Variants in FBXL17 observed in about 807,000 individuals in gnomAD.
FBXL17 encodes F-box/LRR-repeat protein 17.
Under a neutral mutation model 66.2 loss-of-function variants are expected in FBXL17, and 22 were observed. The observed-to-expected ratio is 0.33, with a 90% CI of 0.24 to 0.47. The LOEUF is 0.47. Among genes scored for constraint, FBXL17 ranks in the 20% least tolerant of loss-of-function variants. The probability of loss-of-function intolerance (pLI) is 1.00; values close to 1 mark genes in which losing one functional copy is unlikely to be tolerated. For missense variants in FBXL17, 878 were observed against 948.2 expected (o/e 0.93, Z 0.97); for synonymous variants, 474 against 400.5 (o/e 1.18, Z -2.19).
intron 7 of FBXL17, among the ~76,000 whole-genome samples, chr5:107,917,504 A>C (rs867972202): frequency 6.6e-6 from 1 of 152,308 alleles, no homozygotes; most frequent in African/African-American, 2.4e-5. Flanking sequence ...TAGCATACTG[A>C]GCACTTTCAT....
chr5:108,121,580 A>G (rs896744112), intron 6 of FBXL17, among the ~76,000 whole-genome samples: 2 of 151,346 alleles, frequency 1.3e-5, no homozygotes, highest in Non-Finnish European at 2.9e-5. Context: ...TTTTTTTGAG[A>G]CAGAGTCTCG....
chr5:108,087,902 T>C (rs1057117032), intron 6 of FBXL17, among the ~76,000 whole-genome samples: 8 of 152,240 alleles, frequency 5.3e-5, no homozygotes, highest in African/African-American at 1.7e-4. Context: ...TGAAAAGGCT[T>C]TGAGCAATGT....
intron 5 of FBXL17, among the ~76,000 whole-genome samples, chr5:108,206,500 G>A (rs1754124760): frequency 1.3e-5 from 2 of 152,022 alleles, no homozygotes; most frequent in Non-Finnish European, 2.9e-5. Context: ...ATCCCCCAAA[G>A]TCGTCACATG....
At chr5:108,316,556 T>G (rs1440791247) in intron 4 of FBXL17, among the ~76,000 whole-genome samples, 2 of 151,396 alleles carry the variant, frequency 1.3e-5, no homozygotes, top group African/African-American at 4.8e-5. Context: ...CTCTAAAATT[T>G]TTAACATTAA....
intron 8 of FBXL17, 61 bp from the exon 9 acceptor site, chr5:107,861,921 C>T (rs549801524): frequency 1.3e-5 from 18 of 1,402,304 alleles, no homozygotes; most frequent in Middle Eastern, 1.9e-4. Flanking sequence ...CCGCTGCCCA[C>T]GCTCACTGAT....
chr5:108,301,806 C>T (rs1758601522), intron 4 of FBXL17, among the ~76,000 whole-genome samples: 1 of 151,678 alleles, frequency 6.6e-6, no homozygotes, highest in Admixed American at 6.6e-5. Flanking sequence ...AAGTTCAGCA[C>T]ATTAATCCCA....
chr5:107,994,867 C>A (rs1753410789), intron 7 of FBXL17, among the ~76,000 whole-genome samples: 1 of 151,728 alleles, frequency 6.6e-6, no homozygotes, highest in Non-Finnish European at 1.5e-5. Context: ...ACAAAAACAC[C>A]TATACAGATA....
At chr5:108,298,987 G>C in intron 4 of FBXL17, 2 of 972,102 alleles carry the variant, frequency 2.1e-6, no homozygotes, top group Non-Finnish European at 1.2e-6. Context: ...TATTAGGAGA[G>C]TATAACACTT....
Position 107,881,159 on chromosome 5 carries a change from A to C in FBXL17, c.1843T>G (p.Tyr615Asp). Residue 615 changes from tyrosine to aspartate, a missense_variant, in exon 8 of 9, where the codon TAC (tyrosine) becomes GAC (aspartate). Around this residue, in one of 4 missense-constraint regions of FBXL17, gnomAD observed 236 missense variants for 389.1 expected, o/e 0.61. Coordinates refer to ENST00000542267, the MANE Select transcript of FBXL17 (RefSeq NM_001163315.3). ...TCCACAGTCTCTATTGTCATGCTGT[A>C]TCGCCCAATGGCTATCAGTGCTGCA... The part of the protein sequence containing the change: ...TDYALIAIGR[Y>D]SMTIETVDVG... 6.2e-7 allele frequency: 1 copy of C among 1,610,666 alleles called. No homozygotes were observed. The highest frequency in any genetic ancestry group is 8.5e-7 in the Non-Finnish European group (1 of 1,177,880).
chr5:107,907,799 G>A (rs1749814779), intron 7 of FBXL17, among the ~76,000 whole-genome samples: 1 of 152,232 alleles, frequency 6.6e-6, no homozygotes, highest in Middle Eastern at 3.4e-3. Context: ...GAAACAACAA[G>A]TGCTGGAGAG....
In FBXL17 at chr5:107,874,265, A is replaced by C. The variant is rs910976736; in HGVS notation, c.1965+6772T>G. Reference sequence around the variant, plus strand: ...TATGAAGATCTGAGCTTGTGAATTTATATTCATGGCTAGAATATTATGAAC... The same window carrying C: ...TATGAAGATCTGAGCTTGTGAATTTCTATTCATGGCTAGAATATTATGAAC... On this transcript the variant is annotated intron_variant, in intron 8 of 8. Transcript: ENST00000542267. Among the ~76,000 whole-genome samples the C allele has an allele frequency of 3.9e-5, 6 of 152,332 alleles. No individual in the cohort carries two copies. The South Asian group carries it at 1.2e-3, about 32-fold the overall frequency.
At chr5:108,377,031 T>C (rs981415426) in intron 1 of FBXL17, among the ~76,000 whole-genome samples, 9 of 152,200 alleles carry the variant, frequency 5.9e-5, no homozygotes, top group Non-Finnish European at 1.2e-4. Flanking sequence ...AATTCACATA[T>C]ATATGTTTTA....
intron 5 of FBXL17, among the ~76,000 whole-genome samples, chr5:108,203,155 G>A (rs565098397): frequency 2.0e-5 from 3 of 151,856 alleles, no homozygotes; most frequent in East Asian, 3.9e-4. Flanking sequence ...AGGAACTTTC[G>A]TACATCATGA....
chr5:108,032,472 G>A (rs1016765800), intron 6 of FBXL17, among the ~76,000 whole-genome samples: 2 of 152,024 alleles, frequency 1.3e-5, no homozygotes, highest in Admixed American at 1.3e-4. Context: ...TTTTGAGATG[G>A]AGAGATTTTA....
chr5:108,185,447 T>C (rs1422201831), intron 6 of FBXL17, among the ~76,000 whole-genome samples: 1 of 152,214 alleles, frequency 6.6e-6, no homozygotes, highest in African/African-American at 2.4e-5. Context: ...CTTTTTGCCA[T>C]GCTTGTCAGT....
chr5:108,327,313 C>T (rs1759903589), intron 4 of FBXL17, among the ~76,000 whole-genome samples: 1 of 152,144 alleles, frequency 6.6e-6, no homozygotes. Context: ...AATGAATTAA[C>T]TCAACCCTAA....
chr5:108,065,956 T>C (rs751900530), intron 6 of FBXL17, among the ~76,000 whole-genome samples: 9 of 152,100 alleles, frequency 5.9e-5, no homozygotes, highest in Non-Finnish European at 1.2e-4. Flanking sequence ...CCAAAACTAA[T>C]GGTACATGAG....
At chr5:108,245,289 A>G (rs529442581) in intron 4 of FBXL17, among the ~76,000 whole-genome samples, 1 of 152,256 alleles carries the variant, frequency 6.6e-6, no homozygotes, top group African/African-American at 2.4e-5. Flanking sequence ...AACAGGAGAA[A>G]ATGCTTCCCA....
intron 6 of FBXL17, among the ~76,000 whole-genome samples, chr5:108,025,701 A>G (rs979665331): frequency 7.9e-6 from 1 of 126,942 alleles, no homozygotes; most frequent in African/African-American, 4.0e-5. Flanking sequence ...ACACACACAC[A>G]CAAACACACA....
Sources: allele counts gnomAD v4.1 joint callset (sites outside exome capture counted in the v4.1 genomes callset), GRCh38; gene constraint gnomAD v4.1.1; regional missense constraint gnomAD v4.1.1; transcripts MANE v1.5; gene names NCBI Gene and HGNC (gene_info 2026-07-23, HGNC 2026-07-21).